Variants in CSF2RA observed in about 807,000 individuals in gnomAD.
CSF2RA encodes the protein granulocyte-macrophage colony-stimulating factor receptor subunit alpha.
A neutral mutation model predicts 51.6 loss-of-function variants in CSF2RA; 42 were observed. The ratio of observed to expected loss-of-function variants is 0.81; its 90% CI spans 0.64 to 1.05. The LOEUF (loss-of-function observed/expected upper bound fraction) is 1.05, where lower values mean the gene tolerates loss of function less well. Among genes scored for constraint, CSF2RA ranks in the 50% least tolerant of loss-of-function variants. The probability of loss-of-function intolerance (pLI) is 0.00; values close to 1 mark genes in which losing one functional copy is unlikely to be tolerated. For synonymous variants in CSF2RA, 222 were observed against 193.0 expected, an observed-to-expected ratio of 1.15 and a Z score of -1.24; for missense variants, 530 against 501.1, an observed-to-expected ratio of 1.06 and a Z score of -0.55.
intron 12 of CSF2RA, among the ~76,000 whole-genome samples, chrX:1,308,660 A>T (rs1354013753): frequency 1.7e-3 from 265 of 151,916 alleles, no homozygotes; most frequent in Non-Finnish European, 3.2e-3. Flanking sequence ...CCCATCCTAG[A>T]CCTGGCCATC....
At chrX:1,317,449 C>G in the CSF2RA span, among the ~76,000 whole-genome samples, 1 of 149,902 alleles carries the variant, frequency 6.7e-6, no homozygotes, top group African/African-American at 2.5e-5. Flanking sequence ...CGGGCTTTCT[C>G]CACATCAGTC....
intron 7 of CSF2RA, among the ~76,000 whole-genome samples, chrX:1,292,517 G>T (rs1401614286): frequency 2.0e-5 from 3 of 152,106 alleles, no homozygotes; most frequent in Non-Finnish European, 4.4e-5. Context: ...CAGGGTGATA[G>T]TGGGGAGAAG....
At chrX:1,269,361 C>T (rs1445078451) in intron 1 of CSF2RA, among the ~76,000 whole-genome samples, 1 of 152,100 alleles carries the variant, frequency 6.6e-6, no homozygotes, top group Non-Finnish European at 1.5e-5. Context: ...TGGCTCACGC[C>T]TGTAATCCCA....
chrX:1,283,590 A>G (rs1177492223), intron 3 of CSF2RA, among the ~76,000 whole-genome samples: 1 of 131,064 alleles, frequency 7.6e-6, no homozygotes, highest in African/African-American at 2.9e-5. Flanking sequence ...CTTTCTTTTC[A>G]GAGTCTCCCT....
chrX:1,314,544 A>ACCCCAC (rs2084410388), downstream of CSF2RA, among the ~76,000 whole-genome samples: 2 of 110,306 alleles, frequency 1.8e-5, no homozygotes, highest in African/African-American at 7.6e-5. Flanking sequence ...CACCTGCCCA[A>ACCCCAC]TCCCACTGCA....
At chrX:1,320,190 C>A in the CSF2RA span, among the ~76,000 whole-genome samples, 34 of 151,950 alleles carry the variant, frequency 2.2e-4, no homozygotes, top group Non-Finnish European at 4.7e-4. Flanking sequence ...CCACTGCGCC[C>A]GGCCTGTTTG....
Position 1,300,735 on chromosome X carries a change from C to G in CSF2RA, c.946+109C>G, listed in dbSNP as rs28497859. ...GGCGCTGAGATCGAGTTGAGCACGT[C>G]GCTGGGAGTAGTGTCAGGCTCTGAG... is the stretch of plus-strand genomic sequence containing the variant. On this transcript the variant is annotated intron_variant, in intron 10 of 12. Transcript: ENST00000381529. 0.11 allele frequency: 159,574 copies of G among 1,408,228 alleles called. 10,194 individuals carry two copies. The highest frequency in any genetic ancestry group is 0.13 in the Non-Finnish European group (130,491 of 995,004). 87.2% of individuals were successfully genotyped at this position (1,408,228 alleles called of 1,614,324 possible). A position where few individuals can be genotyped will look rare whatever the true frequency, so the allele number is the denominator to read the frequency against.
rs751474855 is a variant in CSF2RA, at chrX:1,287,757, G to A, written c.220-762G>A. The stretch of plus-strand genomic sequence containing the variant: ...CTATGTCCGACCCTTTTTTTGGGGG[G>A]ATGGAGTCTCTGTCTGTCACCCAGG... On this transcript the variant is annotated intron_variant, in intron 4 of 12. Coordinates refer to ENST00000381529, the MANE Select transcript of CSF2RA (RefSeq NM_172245.4). 1.7e-5 allele frequency among the ~76,000 whole-genome samples: 2 copies of A among 118,618 alleles called. 1 individual carries two copies. The highest frequency in any genetic ancestry group is 1.8e-4 in the Admixed American group (2 of 11,184). The allele number at this position is 118,618 out of a possible 152,430, so 77.8% of individuals were successfully genotyped here. A position where few individuals can be genotyped will look rare whatever the true frequency, so the allele number is the denominator to read the frequency against.
intron 1 of CSF2RA, among the ~76,000 whole-genome samples, chrX:1,273,498 G>GT (rs201943280): frequency 0.032 from 4,728 of 148,644 alleles, 286 homozygotes; most frequent in East Asian, 0.27. Flanking sequence ...TTTGTTTTTT[G>GT]TTTTTTTTTT....
At chrX:1,277,235 G>T (rs1413917612) in intron 2 of CSF2RA, among the ~76,000 whole-genome samples, 3 of 152,154 alleles carry the variant, frequency 2.0e-5, no homozygotes, top group African/African-American at 7.2e-5. Context: ...TAAACGAAGG[G>T]TGCTTGTGTT....
downstream of CSF2RA, among the ~76,000 whole-genome samples, chrX:1,312,284 C>G (rs2084224035): frequency 6.6e-6 from 1 of 152,134 alleles, no homozygotes; most frequent in Admixed American, 6.6e-5. Context: ...CGGGGACACT[C>G]CAGAATCATC....
intron 1 of CSF2RA, among the ~76,000 whole-genome samples, chrX:1,271,580 G>A (rs111276459): frequency 9.9e-5 from 15 of 151,192 alleles, no homozygotes; most frequent in African/African-American, 3.4e-4. Context: ...GCAGTGGTGC[G>A]ATCTCGGCTC....
At chrX:1,292,876 T>C (rs778716378) in intron 7 of CSF2RA, among the ~76,000 whole-genome samples, 2 of 152,082 alleles carry the variant, frequency 1.3e-5, no homozygotes, top group Non-Finnish European at 2.9e-5. Flanking sequence ...GTCAGGTCTT[T>C]TTCCCTTCCC....
At chrX:1,278,236 G>A (rs1270749949) in intron 2 of CSF2RA, among the ~76,000 whole-genome samples, 1 of 149,494 alleles carries the variant, frequency 6.7e-6, no homozygotes, top group African/African-American at 2.5e-5. Flanking sequence ...TGGAGGCTGA[G>A]GCAGTAGAAT....
At chrX:1,310,518 A>T (rs2148731179), downstream of CSF2RA, 1 of 151,906 alleles carries the variant, frequency 6.6e-6, no homozygotes, top group East Asian at 1.9e-4. Flanking sequence ...AATACAAAAA[A>T]TTAGCCAGAC....
chrX:1,288,527 C>T lies in CSF2RA; in HGVS notation c.228C>T (p.Asn76=). 1.2e-6 allele frequency: 2 copies of T among 1,613,924 alleles called. No individual in the cohort carries two copies. Among genetic ancestry groups the T allele is most frequent in the Non-Finnish European group, 1.7e-6 (2 of 1,179,860 alleles). Residue 76 remains asparagine (N), a synonymous_variant, in exon 5 of 13, where the codon AAC becomes AAT. Coordinates refer to ENST00000381529, the MANE Select transcript of CSF2RA (RefSeq NM_172245.4). ...TGGTTGCAATTCTTCAGCTCAGTAACAACGAATGTTCGTGCACATTTCGTG... is the reference window on the plus strand; with the variant it reads ...TGGTTGCAATTCTTCAGCTCAGTAATAACGAATGTTCGTGCACATTTCGTG... ...KNRVVEPRLS[N]NECSCTFREI...
chrX:1,305,741 A>G, intron 12 of CSF2RA: 2 of 1,552,126 alleles, frequency 1.3e-6, no homozygotes, highest in Non-Finnish European at 1.7e-6. Context: ...TGTGAGCTCC[A>G]TCAGGAGAAA....
chrX:1,272,645 G>T (rs1318874868), intron 1 of CSF2RA, among the ~76,000 whole-genome samples: 2 of 147,670 alleles, frequency 1.4e-5, no homozygotes, highest in Non-Finnish European at 3.0e-5. Context: ...CCGCCACTAC[G>T]CCCAGCTAAT....
intron 3 of CSF2RA, among the ~76,000 whole-genome samples, chrX:1,284,658 T>TG (rs2090431136): frequency 7.5e-6 from 1 of 134,042 alleles, no homozygotes; most frequent in African/African-American, 2.8e-5. Flanking sequence ...GACTAGTTTT[T>TG]GATTTTTTTT....
Sources: allele counts gnomAD v4.1 joint callset (sites outside exome capture counted in the v4.1 genomes callset), GRCh38; gene constraint gnomAD v4.1.1; transcripts MANE v1.5; gene names NCBI Gene and HGNC (gene_info 2026-07-23, HGNC 2026-07-21).